CSTPP1: variants seen among roughly 807,000 people sequenced by gnomAD.
The protein encoded by CSTPP1 is centriolar satellite-associated tubulin polyglutamylase complex regulator 1.
At chr11:47,081,150 A>C in the CSTPP1 span, among the ~76,000 whole-genome samples, 1 of 152,202 alleles carries the variant, frequency 6.6e-6, no homozygotes, top group African/African-American at 2.4e-5. Context: ...TAAAATCATA[A>C]ACCTGTCAGT....
chr11:47,014,172 G>C, the CSTPP1 span, among the ~76,000 whole-genome samples: 2 of 151,130 alleles, frequency 1.3e-5, no homozygotes, highest in African/African-American at 4.9e-5. Flanking sequence ...CAGCCTGAGT[G>C]ACACAGTGAG....
chr11:47,071,897 G>A, the CSTPP1 span, among the ~76,000 whole-genome samples: 1 of 152,332 alleles, frequency 6.6e-6, no homozygotes. Flanking sequence ...CTGTGACTTG[G>A]GGAGAGCACA....
the CSTPP1 span, among the ~76,000 whole-genome samples, chr11:46,964,538 GC>G: frequency 2.0e-5 from 3 of 152,248 alleles, no homozygotes; most frequent in South Asian, 4.1e-4. Flanking sequence ...GCCCGCCTCG[GC>G]CCCCCAGAGT....
At chr11:47,157,093 G>A in the CSTPP1 span, 1 of 1,614,184 alleles carries the variant, frequency 6.2e-7, no homozygotes, top group Non-Finnish European at 8.5e-7. Context: ...CAGTGATTGT[G>A]CCGACGTCGT....
At chr11:46,940,165 G>C in the CSTPP1 span, among the ~76,000 whole-genome samples, 1 of 152,186 alleles carries the variant, frequency 6.6e-6, no homozygotes, top group Non-Finnish European at 1.5e-5. Flanking sequence ...GAGCCACTGC[G>C]CCTGGCCTCG....
At chr11:47,141,924 C>T in the CSTPP1 span, among the ~76,000 whole-genome samples, 11 of 94,366 alleles carry the variant, frequency 1.2e-4, no homozygotes, top group Admixed American at 8.3e-4. Context: ...CAGAGCTAGA[C>T]TCTGTCTCAA....
the CSTPP1 span, among the ~76,000 whole-genome samples, chr11:47,065,587 G>A: frequency 1.3e-5 from 2 of 151,974 alleles, no homozygotes; most frequent in African/African-American, 2.4e-5. Context: ...CTCTTTCAGC[G>A]ATGTTTTGTA....
the CSTPP1 span, among the ~76,000 whole-genome samples, chr11:46,946,793 G>T: frequency 6.6e-6 from 1 of 152,166 alleles, no homozygotes; most frequent in Non-Finnish European, 1.5e-5. Context: ...TGTATACTTG[G>T]TTATTGTCTG....
the CSTPP1 span, among the ~76,000 whole-genome samples, chr11:47,092,132 A>G: frequency 1.3e-5 from 2 of 152,164 alleles, no homozygotes; most frequent in Non-Finnish European, 2.9e-5. Flanking sequence ...GCAACTGTAG[A>G]GTGTGTAAAT....
the CSTPP1 span, among the ~76,000 whole-genome samples, chr11:46,959,879 T>TG: frequency 6.6e-6 from 1 of 151,202 alleles, no homozygotes; most frequent in Non-Finnish European, 1.5e-5. Flanking sequence ...TTTTTTTTTT[T>TG]TTTTTGAGAT....
At chr11:47,066,102 T>TG in the CSTPP1 span, among the ~76,000 whole-genome samples, 250 of 34,144 alleles carry the variant, frequency 7.3e-3, 5 homozygotes, top group Admixed American at 0.071. Flanking sequence ...GGTTTTTTTT[T>TG]TTTTTTTTTT....
the CSTPP1 span, chr11:47,159,675 C>T: frequency 2.2e-6 from 1 of 456,218 alleles, no homozygotes; most frequent in Non-Finnish European, 4.4e-6. Context: ...TGGGTCACAG[C>T]CTGAAGTAAC....
the CSTPP1 span, among the ~76,000 whole-genome samples, chr11:47,157,431 A>G: frequency 1.3e-5 from 2 of 152,204 alleles, no homozygotes; most frequent in South Asian, 4.1e-4. Context: ...CTCAGGCAAG[A>G]CCACTGTAGT....
chr11:47,164,105 G>A, the CSTPP1 span: 4 of 1,611,594 alleles, frequency 2.5e-6, no homozygotes, highest in African/African-American at 1.3e-5. Flanking sequence ...TGGTGAGGTC[G>A]AAGCTGCACC....
At chr11:46,991,070 A>G in the CSTPP1 span, among the ~76,000 whole-genome samples, 1 of 152,158 alleles carries the variant, frequency 6.6e-6, no homozygotes, top group African/African-American at 2.4e-5. Flanking sequence ...TCACATATTT[A>G]TATAATCGTT....
At chr11:47,101,183 T>A in the CSTPP1 span, among the ~76,000 whole-genome samples, 7 of 99,100 alleles carry the variant, frequency 7.1e-5, no homozygotes, top group Non-Finnish European at 1.1e-4. Context: ...TTTTTTTTTT[T>A]TTTTTTATTT....
At chr11:47,075,770 T>C in the CSTPP1 span, among the ~76,000 whole-genome samples, 2 of 151,678 alleles carry the variant, frequency 1.3e-5, no homozygotes, top group African/African-American at 4.8e-5. Flanking sequence ...ATACAAAAAT[T>C]AGCTCAGCAT....
the CSTPP1 span, among the ~76,000 whole-genome samples, chr11:46,943,292 A>C: frequency 6.6e-6 from 1 of 152,260 alleles, no homozygotes; most frequent in African/African-American, 2.4e-5. Flanking sequence ...TCCATTCGGC[A>C]GATGAGGAAA....
At chr11:47,102,717 C>A in the CSTPP1 span, among the ~76,000 whole-genome samples, 2 of 152,170 alleles carry the variant, frequency 1.3e-5, no homozygotes, top group Admixed American at 6.5e-5. Flanking sequence ...GGGCAAGCTG[C>A]ACATTGTCAG....
Sources: gnomAD v4.1 joint callset for allele counts (sites outside exome capture counted in the v4.1 genomes callset) on GRCh38, gnomAD v4.1.1 for gene constraint, MANE v1.5 for transcripts, NCBI Gene and HGNC (gene_info 2026-07-23, HGNC 2026-07-21) for gene names.